Variants in DNAJB4 observed in about 807,000 individuals in gnomAD.
DNAJB4 encodes DnaJ heat shock protein family (Hsp40) member B4, also known as dnaJ homolog subfamily B member 4.
A neutral mutation model predicts 26.6 loss-of-function variants in DNAJB4; 10 were observed. The ratio of observed to expected loss-of-function variants is 0.38; its 90% CI spans 0.23 to 0.64. The LOEUF (loss-of-function observed/expected upper bound fraction) is 0.64. Ranked by LOEUF, DNAJB4 falls within the 30% of genes least tolerant of loss-of-function variation. DNAJB4 has a pLI of 0.58. For synonymous variants in DNAJB4, 136 were observed against 134.8 expected (o/e 1.01, Z -0.06); for missense variants, 328 against 408.2 (o/e 0.80, Z 1.69).
At chr1:78,012,059 T>A (rs568115686) in intron 1 of DNAJB4, among the ~76,000 whole-genome samples, 1 of 149,414 alleles carries the variant, frequency 6.7e-6, no homozygotes, top group Non-Finnish European at 1.5e-5. Context: ...TAAAAACTTA[T>A]ATATTTATAA....
At chr1:78,015,450 CTTTTTTTT>C (rs34355321) in intron 2 of DNAJB4, among the ~76,000 whole-genome samples, 4 of 114,394 alleles carry the variant, frequency 3.5e-5, no homozygotes, top group Admixed American at 9.0e-5. Flanking sequence ...TTTTCTTCTT[CTTTTTTTT>C]TTTTTTTTGT....
chr1:77,988,770 C>T (rs912894212), intron 1 of DNAJB4, among the ~76,000 whole-genome samples: 1 of 152,156 alleles, frequency 6.6e-6, no homozygotes, highest in African/African-American at 2.4e-5. Context: ...CACCGTCTAA[C>T]ACAACTTACA....
intron 1 of DNAJB4, among the ~76,000 whole-genome samples, chr1:77,993,603 C>T (rs1659990123): frequency 6.6e-6 from 1 of 152,132 alleles, no homozygotes; most frequent in Admixed American, 6.5e-5. Context: ...GCATGAGCCA[C>T]CGTGCCTGAC....
intron 2 of DNAJB4, among the ~76,000 whole-genome samples, chr1:78,015,061 A>G (rs1025914632): frequency 3.9e-5 from 6 of 152,134 alleles, no homozygotes; most frequent in Non-Finnish European, 5.9e-5. Context: ...TTTCTCTTAC[A>G]AAAGACCTCC....
chr1:77,997,032 C>T (rs1004027031), intron 1 of DNAJB4, among the ~76,000 whole-genome samples: 1 of 152,130 alleles, frequency 6.6e-6, no homozygotes, highest in African/African-American at 2.4e-5. Context: ...GAACCCTTTA[C>T]CTTACTGACA....
chr1:78,003,359 G>T (rs1571438497), upstream of DNAJB4, among the ~76,000 whole-genome samples: 5 of 152,236 alleles, frequency 3.3e-5, 1 homozygote, highest in Admixed American at 3.3e-4. Flanking sequence ...TAACCTACAG[G>T]TAGGCTAGAT....
intron 1 of DNAJB4, among the ~76,000 whole-genome samples, chr1:77,986,564 A>G (rs1216842345): frequency 6.6e-6 from 1 of 152,030 alleles, no homozygotes; most frequent in African/African-American, 2.4e-5. Context: ...AGTTGTGTCC[A>G]TTCTTTAAAT....
At chr1:77,996,858 A>G (rs1490899802) in intron 1 of DNAJB4, among the ~76,000 whole-genome samples, 3 of 152,088 alleles carry the variant, frequency 2.0e-5, no homozygotes, top group Non-Finnish European at 4.4e-5. Flanking sequence ...AATTATTATT[A>G]TTTGAGACAG....
In DNAJB4 at chr1:77,995,148, T is replaced by C. The variant is rs370587548; in HGVS notation, c.-31-9932T>C. Among the ~76,000 whole-genome samples the C allele has an allele frequency of 2.4e-3, 371 of 152,358 alleles. 2 individuals carry two copies. The highest frequency in any genetic ancestry group is 8.7e-3 in the African/African-American group (361 of 41,586). On this transcript the variant is annotated intron_variant, in intron 1 of 2. Transcript: ENST00000426517. ...AATATTTAGTACAAAAAATAAAGAA[T>C]GTAAAGTATTTCATTGATAATTTGT...
upstream of DNAJB4, chr1:77,979,390 T>G (rs1262410641): frequency 9.7e-6 from 2 of 205,894 alleles, no homozygotes; most frequent in Non-Finnish European, 2.0e-5. Flanking sequence ...AAAAGGTTGT[T>G]TCTTACCGGT....
chr1:77,997,999 T>G (rs932029697), intron 1 of DNAJB4, among the ~76,000 whole-genome samples: 12 of 152,160 alleles, frequency 7.9e-5, no homozygotes, highest in Non-Finnish European at 1.3e-4. Context: ...GGTCTTGAAC[T>G]CCTGGCCTCA....
chr1:77,983,292 A>T (rs1276859998), intron 1 of DNAJB4, among the ~76,000 whole-genome samples: 2 of 152,228 alleles, frequency 1.3e-5, no homozygotes, highest in Non-Finnish European at 2.9e-5. Context: ...GATGGAACAT[A>T]CAATCGGGTT....
intron 1 of DNAJB4, among the ~76,000 whole-genome samples, chr1:77,993,289 A>C (rs1225134616): frequency 6.6e-6 from 1 of 151,972 alleles, no homozygotes; most frequent in Admixed American, 6.6e-5. Flanking sequence ...TACTTTATAT[A>C]GTTATAGTAT....
At chr1:78,001,505 G>T (rs527966645), upstream of DNAJB4, among the ~76,000 whole-genome samples, 12 of 152,182 alleles carry the variant, frequency 7.9e-5, no homozygotes, top group African/African-American at 2.6e-4. Flanking sequence ...TGAGACTCAT[G>T]GCATTTTATC....
chr1:77,998,342 A>T (rs1230736347), intron 1 of DNAJB4, among the ~76,000 whole-genome samples: 1 of 152,232 alleles, frequency 6.6e-6, no homozygotes, highest in Non-Finnish European at 1.5e-5. Context: ...ATGGACAGTC[A>T]GATACTGTTG....
upstream of DNAJB4, chr1:78,004,561 G>T (rs1164990530): frequency 6.6e-6 from 1 of 152,186 alleles, no homozygotes; most frequent in African/African-American, 2.4e-5. Flanking sequence ...CCCTAAAGTA[G>T]AATTGTCGTT....
chr1:77,985,180 C>T (rs962993055), intron 1 of DNAJB4, among the ~76,000 whole-genome samples: 34 of 152,126 alleles, frequency 2.2e-4, no homozygotes, highest in Admixed American at 1.9e-3. Context: ...ATTGAAAGAT[C>T]AAGGATCTTT....
upstream of DNAJB4, among the ~76,000 whole-genome samples, chr1:78,004,177 C>T (rs968360957): frequency 6.6e-6 from 1 of 151,998 alleles, no homozygotes; most frequent in Non-Finnish European, 1.5e-5. Context: ...TCCTGTGGGG[C>T]GGCTGCAGGG....
At chr1:77,986,453 G>C (rs759298789) in intron 1 of DNAJB4, among the ~76,000 whole-genome samples, 2 of 152,128 alleles carry the variant, frequency 1.3e-5, no homozygotes, top group Non-Finnish European at 2.9e-5. Flanking sequence ...CGTTCCTCTA[G>C]TCTCTTGACA....
Sources: allele counts gnomAD v4.1 joint callset (sites outside exome capture counted in the v4.1 genomes callset), GRCh38; gene constraint gnomAD v4.1.1; transcripts MANE v1.5; gene names NCBI Gene and HGNC (gene_info 2026-07-23, HGNC 2026-07-21).